The following RBMS3 variants were observed in gnomAD, a reference collection of about 807,000 sequenced individuals.
The protein encoded by RBMS3 is RNA-binding motif, single-stranded-interacting protein 3.
In RBMS3, 27 loss-of-function variants were observed where a neutral mutation model predicts 66.8. The ratio of observed to expected loss-of-function variants is 0.40; its 90% CI spans 0.30 to 0.56. The LOEUF (loss-of-function observed/expected upper bound fraction) is 0.56, where lower values mean the gene tolerates loss of function less well. Ranked by LOEUF, RBMS3 falls within the 20% of genes least tolerant of loss-of-function variation. The probability of loss-of-function intolerance (pLI) is 0.40; values close to 1 mark genes in which losing one functional copy is unlikely to be tolerated. For missense variants in RBMS3, 513 were observed against 549.5 expected (o/e 0.93, Z 0.66); for synonymous variants, 188 against 183.0 (o/e 1.03, Z -0.22).
At chr3:29,491,994 A>G (rs1328571416) in intron 3 of RBMS3, among the ~76,000 whole-genome samples, 1 of 36,508 alleles carries the variant, frequency 2.7e-5, no homozygotes, top group Non-Finnish European at 4.1e-5. Flanking sequence ...CTCAGTCTCG[A>G]AAAAAAAAAA....
intron 4 of RBMS3, among the ~76,000 whole-genome samples, chr3:29,679,948 T>C (rs904025833): frequency 4.6e-5 from 7 of 152,140 alleles, no homozygotes; most frequent in Middle Eastern, 3.4e-3. Flanking sequence ...GGGAGAAGTG[T>C]GATTTAGAAT....
intron 3 of RBMS3, among the ~76,000 whole-genome samples, chr3:29,575,849 T>G (rs1407795386): frequency 6.6e-6 from 1 of 152,152 alleles, no homozygotes; most frequent in Non-Finnish European, 1.5e-5. Context: ...CTTGATTCTT[T>G]TAAATTATTT....
At chr3:29,823,760 T>C (rs2058133871) in intron 6 of RBMS3, among the ~76,000 whole-genome samples, 1 of 152,168 alleles carries the variant, frequency 6.6e-6, no homozygotes, top group Non-Finnish European at 1.5e-5. Context: ...TGAACACATG[T>C]GCTTATTTGA....
At chr3:29,849,736 T>G (rs949070008) in intron 6 of RBMS3, among the ~76,000 whole-genome samples, 2 of 152,132 alleles carry the variant, frequency 1.3e-5, no homozygotes, top group Non-Finnish European at 2.9e-5. Context: ...GCAGAAATAT[T>G]TTAACAGCAA....
chr3:29,936,425 G>T (rs2061266911), intron 11 of RBMS3, among the ~76,000 whole-genome samples: 1 of 152,016 alleles, frequency 6.6e-6, no homozygotes, highest in South Asian at 2.1e-4. Flanking sequence ...GTTACTTCTT[G>T]TTTTTTATGG....
chr3:29,963,202 C>G (rs1358257143), intron 12 of RBMS3, among the ~76,000 whole-genome samples: 2 of 152,096 alleles, frequency 1.3e-5, no homozygotes, highest in Non-Finnish European at 2.9e-5. Context: ...CATCATTTCC[C>G]AAACATTCCC....
chr3:29,732,023 C>T (rs555442898), intron 4 of RBMS3, among the ~76,000 whole-genome samples: 1 of 152,140 alleles, frequency 6.6e-6, no homozygotes, highest in South Asian at 2.1e-4. Context: ...CTCCCTCCAT[C>T]TGTCCCTCTC....
intron 7 of RBMS3, 116 bp downstream of exon 7, chr3:29,869,080 C>A: frequency 1.3e-6 from 1 of 773,840 alleles, no homozygotes; most frequent in Non-Finnish European, 2.1e-6. Context: ...CACCCAATGT[C>A]TTCAAAGGGG....
intron 1 of RBMS3, among the ~76,000 whole-genome samples, chr3:29,426,560 G>T (rs933065696): frequency 2.0e-5 from 3 of 152,176 alleles, no homozygotes; most frequent in South Asian, 2.1e-4. Context: ...CATTCTAACA[G>T]AATTTTAATA....
intron 6 of RBMS3, among the ~76,000 whole-genome samples, chr3:29,847,378 C>G (rs1043032496): frequency 9.2e-5 from 14 of 152,040 alleles, no homozygotes; most frequent in Admixed American, 7.9e-4. Flanking sequence ...ACTTTGTAAC[C>G]CAGGGTCAGA....
intron 1 of RBMS3, among the ~76,000 whole-genome samples, chr3:29,376,307 A>C (rs1433248051): frequency 6.6e-6 from 1 of 152,170 alleles, no homozygotes; most frequent in Non-Finnish European, 1.5e-5. Context: ...ACGTTTAACA[A>C]TGTAACACAC....
intron 3 of RBMS3, among the ~76,000 whole-genome samples, chr3:29,569,085 G>A (rs914780375): frequency 3.9e-5 from 6 of 152,246 alleles, no homozygotes; most frequent in Non-Finnish European, 8.8e-5. Context: ...CTTTTCCACA[G>A]CTCACATCTG....
intron 1 of RBMS3, among the ~76,000 whole-genome samples, chr3:29,388,187 T>C (rs933254927): frequency 6.6e-6 from 1 of 151,748 alleles, no homozygotes; most frequent in Admixed American, 6.6e-5. Flanking sequence ...GCTTTTCATA[T>C]ACCTTTACCT....
At chr3:29,931,938 G>A (rs1322289139) in intron 10 of RBMS3, among the ~76,000 whole-genome samples, 1 of 152,156 alleles carries the variant, frequency 6.6e-6, no homozygotes, top group East Asian at 1.9e-4. Flanking sequence ...ATAGGCAATC[G>A]TATAATACAA....
intron 1 of RBMS3, among the ~76,000 whole-genome samples, chr3:29,293,263 ATGT>A (rs150707691): frequency 2.0e-5 from 3 of 151,514 alleles, no homozygotes; most frequent in Admixed American, 6.6e-5. Context: ...ACCAGGAGCA[ATGT>A]TGTTGTTGTT....
intron 6 of RBMS3, among the ~76,000 whole-genome samples, chr3:29,802,301 C>T (rs1176197519): frequency 1.3e-5 from 2 of 152,162 alleles, no homozygotes; most frequent in Admixed American, 6.6e-5. Flanking sequence ...CCAACCACAG[C>T]CTTTCTTCTA....
chr3:29,881,590 C>T (rs1045542884), intron 7 of RBMS3, among the ~76,000 whole-genome samples: 2 of 152,136 alleles, frequency 1.3e-5, no homozygotes, highest in Admixed American at 1.3e-4. Context: ...ATGTCAATTC[C>T]TTTCCATCTT....
Position 29,726,011 on chromosome 3 carries a change from C to T in RBMS3, c.400-13709C>T, listed in dbSNP as rs193135049. On this transcript the variant is annotated intron_variant, in intron 4 of 14. Transcript: ENST00000383767. ...AGCACATGAAAAAGCTTATCCACCA[C>T]AATCAAGTTGGCTTCATCCCAGGGA... Among the ~76,000 whole-genome samples, 489 of 152,242 alleles carry T rather than the reference C, an allele frequency of 3.2e-3. 4 individuals are homozygous for T. Among genetic ancestry groups the T allele is most frequent in the African/African-American group, 0.011 (470 of 41,560 alleles).
At chr3:29,476,859 G>A (rs766128934) in intron 2 of RBMS3, among the ~76,000 whole-genome samples, 5 of 152,038 alleles carry the variant, frequency 3.3e-5, no homozygotes, top group Non-Finnish European at 5.9e-5. Flanking sequence ...ATGCATTCTT[G>A]TATTACTTAA....
Sources: gnomAD v4.1 joint callset for allele counts (sites outside exome capture counted in the v4.1 genomes callset) on GRCh38, gnomAD v4.1.1 for gene constraint, MANE v1.5 for transcripts, NCBI Gene and HGNC (gene_info 2026-07-23, HGNC 2026-07-21) for gene names.